Variants in OCA2 observed in about 807,000 individuals in gnomAD.
The protein encoded by OCA2 is P protein.
OCA2 carries 77 observed loss-of-function variants against 100.2 expected under a neutral mutation model. The ratio of observed to expected loss-of-function variants is 0.77; its 90% CI spans 0.64 to 0.93. The LOEUF (loss-of-function observed/expected upper bound fraction) is 0.93. Ranked by LOEUF, OCA2 falls within the 40% of genes least tolerant of loss-of-function variation. The pLI is 0.00. For synonymous variants in OCA2, 432 were observed against 439.2 expected, an observed-to-expected ratio of 0.98 and a Z score of 0.21; for missense variants, 1,062 against 1,089.1, an observed-to-expected ratio of 0.98 and a Z score of 0.35.
At chr15:27,814,940 A>ATAGCTGGCTAGCTAGC (rs2034234068) in intron 23 of OCA2, among the ~76,000 whole-genome samples, 1 of 89,892 alleles carries the variant, frequency 1.1e-5, no homozygotes, top group African/African-American at 4.1e-5. Context: ...AGATAGATAG[A>ATAGCTGGCTAGCTAGC]TAGATACAGA....
intron 15 of OCA2, among the ~76,000 whole-genome samples, chr15:27,962,598 T>C (rs2040442599): frequency 6.6e-6 from 1 of 152,140 alleles, no homozygotes; most frequent in East Asian, 1.9e-4. Flanking sequence ...GTATGTTAGG[T>C]AGTATAATAT....
chr15:28,093,571 T>G (rs550369748), intron 1 of OCA2, among the ~76,000 whole-genome samples: 12 of 152,188 alleles, frequency 7.9e-5, no homozygotes, highest in Admixed American at 7.9e-4. Context: ...AAACTAAAAT[T>G]GCAACTACCA....
At chr15:27,907,152 A>G (rs766960568) in intron 19 of OCA2, among the ~76,000 whole-genome samples, 2 of 152,202 alleles carry the variant, frequency 1.3e-5, no homozygotes, top group African/African-American at 2.4e-5. Flanking sequence ...CATAGCAATT[A>G]ATAACTTCCG....
At chr15:27,820,336 G>A (rs956640590) in intron 23 of OCA2, among the ~76,000 whole-genome samples, 2 of 152,122 alleles carry the variant, frequency 1.3e-5, no homozygotes, top group African/African-American at 4.8e-5. Flanking sequence ...AAAGACACCC[G>A]ACAAACACTA....
At chr15:27,784,909 GA>G in intron 23 of OCA2, among the ~76,000 whole-genome samples, 1 of 151,678 alleles carries the variant, frequency 6.6e-6, no homozygotes, top group South Asian at 2.1e-4. Context: ...GAGAGAGAGA[GA>G]GAGAGAAATG....
intron 23 of OCA2, among the ~76,000 whole-genome samples, chr15:27,798,834 A>T (rs772083067): frequency 3.9e-5 from 6 of 152,244 alleles, no homozygotes; most frequent in Non-Finnish European, 7.3e-5. Context: ...GGATTTACAA[A>T]GCATTTAACA....
At chr15:27,975,227 T>C (rs568856373) in intron 14 of OCA2, among the ~76,000 whole-genome samples, 7 of 152,334 alleles carry the variant, frequency 4.6e-5, no homozygotes, top group Admixed American at 3.9e-4. Context: ...TTAACACTAA[T>C]GTGATGCTAG....
At chr15:28,010,602 T>C (rs2042214184) in intron 9 of OCA2, among the ~76,000 whole-genome samples, 2 of 152,170 alleles carry the variant, frequency 1.3e-5, no homozygotes, top group South Asian at 4.1e-4. Flanking sequence ...CTCAGTACCA[T>C]TTACAATTGC....
intron 23 of OCA2, among the ~76,000 whole-genome samples, chr15:27,769,972 T>C (rs73370385): frequency 0.049 from 7,378 of 151,966 alleles, 589 homozygotes; most frequent in African/African-American, 0.17. Context: ...AACAGCCTCA[T>C]ACCCCATCTC....
chr15:28,022,438 G>C (rs2042622738), intron 6 of OCA2, 63 bp downstream of exon 6: 1 of 1,182,346 alleles, frequency 8.5e-7, no homozygotes, highest in Non-Finnish European at 1.3e-6. Flanking sequence ...CCGTCTGCAA[G>C]TGTCTCCTTG....
the OCA2 span, among the ~76,000 whole-genome samples, chr15:27,728,075 C>G: frequency 8.3e-3 from 1,264 of 152,270 alleles, 17 homozygotes; most frequent in African/African-American, 0.029. Context: ...ATCATAGCAA[C>G]TCCAAGTCCA....
intron 23 of OCA2, among the ~76,000 whole-genome samples, chr15:27,787,268 G>A (rs1190226364): frequency 6.6e-6 from 1 of 151,980 alleles, no homozygotes; most frequent in African/African-American, 2.4e-5. Flanking sequence ...AGCCTTGCCT[G>A]CCTTTGGCAT....
the OCA2 span, among the ~76,000 whole-genome samples, chr15:27,746,275 G>C: frequency 6.6e-6 from 1 of 152,096 alleles, no homozygotes; most frequent in African/African-American, 2.4e-5. Flanking sequence ...GGCCAACATG[G>C]TGAAACCCCA....
the OCA2 span, among the ~76,000 whole-genome samples, chr15:27,748,652 G>A: frequency 1.2e-3 from 188 of 152,178 alleles, no homozygotes; most frequent in African/African-American, 4.3e-3. Context: ...GCAATGATCC[G>A]GAAAATTAAA....
intron 18 of OCA2, among the ~76,000 whole-genome samples, chr15:27,932,237 C>T (rs1484340529): frequency 6.6e-6 from 1 of 152,154 alleles, no homozygotes; most frequent in Non-Finnish European, 1.5e-5. Flanking sequence ...TTGTGAATGT[C>T]TGTTCTAACC....
chr15:27,773,683 C>G (rs771802621), intron 23 of OCA2, among the ~76,000 whole-genome samples: 1 of 152,130 alleles, frequency 6.6e-6, no homozygotes, highest in Non-Finnish European at 1.5e-5. Flanking sequence ...CTAAGTCATA[C>G]CCAAGGTCAC....
chr15:27,906,323 A>C (rs2038175171), intron 19 of OCA2, among the ~76,000 whole-genome samples: 1 of 152,238 alleles, frequency 6.6e-6, no homozygotes, highest in South Asian at 2.1e-4. Flanking sequence ...GTACTCAGAG[A>C]AATCACTTTA....
intron 23 of OCA2, among the ~76,000 whole-genome samples, chr15:27,785,817 A>G (rs1699582200): frequency 6.6e-6 from 1 of 152,198 alleles, no homozygotes; most frequent in South Asian, 2.1e-4. Context: ...ATTATTCATA[A>G]TAGCCAAAAG....
intron 14 of OCA2, among the ~76,000 whole-genome samples, chr15:27,970,643 G>A (rs946466952): frequency 2.6e-5 from 4 of 151,878 alleles, no homozygotes; most frequent in Non-Finnish European, 5.9e-5. Flanking sequence ...CACACGGCAT[G>A]GTGGGAAAAC....
Sources: allele counts gnomAD v4.1 joint callset (sites outside exome capture counted in the v4.1 genomes callset), GRCh38; gene constraint gnomAD v4.1.1; transcripts MANE v1.5; gene names NCBI Gene and HGNC (gene_info 2026-07-23, HGNC 2026-07-21).